ABLIM1: variants seen among roughly 807,000 people sequenced by gnomAD.
ABLIM1 encodes actin-binding LIM protein 1.
A neutral mutation model predicts 107.0 loss-of-function variants in ABLIM1; 40 were observed. That is an observed-to-expected ratio of 0.37 (90% CI 0.29 to 0.49). The LOEUF is 0.49. ABLIM1 is among the 20% of genes least tolerant of loss of function. The probability of loss-of-function intolerance (pLI) is 0.97; values close to 1 mark genes in which losing one functional copy is unlikely to be tolerated. For synonymous variants in ABLIM1, 357 were observed against 357.3 expected, an observed-to-expected ratio of 1.00 and a Z score of 0.01; for missense variants, 857 against 1,008.5, an observed-to-expected ratio of 0.85 and a Z score of 2.04.
intron 1 of ABLIM1, among the ~76,000 whole-genome samples, chr10:114,644,325 ATATATG>A (rs1218477627): frequency 8.1e-6 from 1 of 124,040 alleles, no homozygotes; most frequent in African/African-American, 3.8e-5. Context: ...ATATATATAT[ATATATG>A]TGTATATATT....
chr10:114,762,933 T>C (rs1472426031), intron 1 of ABLIM1, among the ~76,000 whole-genome samples: 1 of 152,168 alleles, frequency 6.6e-6, no homozygotes, highest in Non-Finnish European at 1.5e-5. Flanking sequence ...AGCAGTTAGG[T>C]TGCTTCCAGT....
chr10:114,752,992 C>G (rs2082551277), intron 1 of ABLIM1, among the ~76,000 whole-genome samples: 1 of 152,172 alleles, frequency 6.6e-6, no homozygotes, highest in Admixed American at 6.5e-5. Flanking sequence ...ATATCAGCAT[C>G]AGCCTATATT....
chr10:114,618,201 T>C (rs557067047), intron 1 of ABLIM1, among the ~76,000 whole-genome samples: 28 of 152,346 alleles, frequency 1.8e-4, no homozygotes, highest in Non-Finnish European at 3.8e-4. Flanking sequence ...TTTTACACTT[T>C]GCGAATGTAA....
intron 1 of ABLIM1, among the ~76,000 whole-genome samples, chr10:114,651,675 G>A (rs1405432257): frequency 1.3e-5 from 2 of 151,874 alleles, no homozygotes; most frequent in Non-Finnish European, 2.9e-5. Context: ...AGGGGTTATT[G>A]GTAACTATAA....
At chr10:114,774,272 G>C in the ABLIM1 span, among the ~76,000 whole-genome samples, 2 of 152,170 alleles carry the variant, frequency 1.3e-5, no homozygotes, top group African/African-American at 4.8e-5. Context: ...CCAGGACAGT[G>C]GTTCTTGAGA....
At chr10:114,660,450 A>T (rs1377852283), upstream of ABLIM1, among the ~76,000 whole-genome samples, 1 of 127,292 alleles carries the variant, frequency 7.9e-6, no homozygotes, top group Non-Finnish European at 1.6e-5. Flanking sequence ...ATTGAAATTT[A>T]AAAAAAGAAA....
At chr10:114,615,532 A>G (rs780767368) in intron 1 of ABLIM1, 48 of 461,808 alleles carry the variant, frequency 1.0e-4, no homozygotes, top group Non-Finnish European at 1.7e-4. Flanking sequence ...TTTCTTTTCC[A>G]TCTTCTCCAT....
intron 1 of ABLIM1, among the ~76,000 whole-genome samples, chr10:114,747,524 G>A (rs1267207029): frequency 6.6e-6 from 1 of 152,204 alleles, no homozygotes; most frequent in Non-Finnish European, 1.5e-5. Context: ...CAGAGGCAAT[G>A]GGGAGTTGTA....
intron 4 of ABLIM1, among the ~76,000 whole-genome samples, chr10:114,550,919 T>C (rs1168349499): frequency 6.6e-6 from 1 of 152,156 alleles, no homozygotes; most frequent in Non-Finnish European, 1.5e-5. Flanking sequence ...AAAGAGAAAA[T>C]CAACTTTCAG....
At chr10:114,531,796 G>A (rs928303385) in intron 6 of ABLIM1, among the ~76,000 whole-genome samples, 4 of 151,994 alleles carry the variant, frequency 2.6e-5, no homozygotes, top group Admixed American at 6.6e-5. Context: ...GATTACAGGC[G>A]TGAGCCACCG....
chr10:114,671,951 C>T (rs1399757102), intron 1 of ABLIM1, among the ~76,000 whole-genome samples: 1 of 152,156 alleles, frequency 6.6e-6, no homozygotes, highest in Non-Finnish European at 1.5e-5. Context: ...CAGCCTCCAA[C>T]TCCTGGGCTC....
chr10:114,781,664 G>GTATA, the ABLIM1 span, among the ~76,000 whole-genome samples: 11,267 of 143,142 alleles, frequency 0.079, 715 homozygotes, highest in East Asian at 0.3. Flanking sequence ...ATATATGCGT[G>GTATA]TATATATATA....
At chr10:114,572,445 C>T (rs1002172834) in intron 3 of ABLIM1, among the ~76,000 whole-genome samples, 1 of 152,160 alleles carries the variant, frequency 6.6e-6, no homozygotes, top group African/African-American at 2.4e-5. Context: ...GAGTTAACCC[C>T]ACAAATGTGG....
upstream of ABLIM1, among the ~76,000 whole-genome samples, chr10:114,660,425 G>T (rs1363954505): frequency 7.1e-6 from 1 of 141,490 alleles, no homozygotes; most frequent in East Asian, 2.0e-4. Context: ...AACATCACCT[G>T]ATCCCTCCAA....
At chr10:114,567,226 T>A (rs1415235277) in intron 4 of ABLIM1, among the ~76,000 whole-genome samples, 1 of 152,224 alleles carries the variant, frequency 6.6e-6, no homozygotes, top group Non-Finnish European at 1.5e-5. Context: ...CAGAGAGTGA[T>A]ACCTACATCA....
intron 1 of ABLIM1, among the ~76,000 whole-genome samples, chr10:114,751,860 T>G (rs774405366): frequency 1.2e-4 from 19 of 152,174 alleles, no homozygotes; most frequent in Non-Finnish European, 2.4e-4. Context: ...AACAAACTTT[T>G]CATTTCATGG....
At chr10:114,596,346 A>G (rs2075413035) in intron 2 of ABLIM1, among the ~76,000 whole-genome samples, 1 of 152,178 alleles carries the variant, frequency 6.6e-6, no homozygotes, top group African/African-American at 2.4e-5. Context: ...ACAACCTGGT[A>G]TGCTGTCTCT....
At chr10:114,491,012 G>GTGTATA in intron 7 of ABLIM1, among the ~76,000 whole-genome samples, 22 of 92,398 alleles carry the variant, frequency 2.4e-4, no homozygotes, top group African/African-American at 9.2e-4. Flanking sequence ...GTGTGTGTGT[G>GTGTATA]TATATATATA....
intron 1 of ABLIM1, among the ~76,000 whole-genome samples, chr10:114,613,019 G>A (rs1462556921): frequency 6.6e-6 from 1 of 152,202 alleles, no homozygotes; most frequent in Admixed American, 6.5e-5. Context: ...AAATCTGTCT[G>A]TCTCCAGCAC....
Sources: allele counts gnomAD v4.1 joint callset (sites outside exome capture counted in the v4.1 genomes callset), GRCh38; gene constraint gnomAD v4.1.1; transcripts MANE v1.5; gene names NCBI Gene and HGNC (gene_info 2026-07-23, HGNC 2026-07-21).